Variants in NTM observed in about 807,000 individuals in gnomAD.
NTM encodes neurotrimin.
Under a neutral mutation model 42.1 loss-of-function variants are expected in NTM, and 13 were observed. The ratio of observed to expected loss-of-function variants is 0.31; its 90% CI spans 0.20 to 0.49. NTM has a LOEUF of 0.49. NTM is among the 20% of genes least tolerant of loss of function. NTM has a pLI of 0.99. For synonymous variants in NTM, 187 were observed against 179.2 expected, an observed-to-expected ratio of 1.04 and a Z score of -0.35; for missense variants, 373 against 452.8, an observed-to-expected ratio of 0.82 and a Z score of 1.60.
rs149709104 is a variant in NTM, at chr11:131,921,217, A to C, written c.167+9569A>C. Among the ~76,000 whole-genome samples, 36 of 152,336 alleles carry C rather than the reference A, an allele frequency of 2.4e-4. No individual in the cohort carries two copies. The East Asian group carries it at 6.0e-3, about 25-fold the overall frequency. The stretch of plus-strand genomic sequence containing the variant: ...CTTTATTTGTAAATATGGTTGCTAC[A>C]GATGTAATTAGCTAAGGTGAGGTCA... On this transcript the variant is annotated intron_variant, in intron 2 of 8. Coordinates refer to ENST00000683400, the MANE Select transcript of NTM (RefSeq NM_001352005.2).
intron 1 of NTM, among the ~76,000 whole-genome samples, chr11:131,547,433 A>C (rs950805170): frequency 6.6e-6 from 1 of 152,170 alleles, no homozygotes; most frequent in African/African-American, 2.4e-5. Context: ...CTTGCACGGG[A>C]AGAGACTTTG....
intron 2 of NTM, among the ~76,000 whole-genome samples, chr11:132,066,300 A>C (rs1468350634): frequency 6.6e-6 from 1 of 152,128 alleles, no homozygotes; most frequent in African/African-American, 2.4e-5. Flanking sequence ...AACTGTTCCA[A>C]GGCTTTTGCA....
At chr11:131,786,168 G>A (rs1267171178) in intron 1 of NTM, among the ~76,000 whole-genome samples, 2 of 152,038 alleles carry the variant, frequency 1.3e-5, no homozygotes, top group Non-Finnish European at 2.9e-5. Flanking sequence ...AAACAACCTC[G>A]GAAAAAAATG....
At chr11:131,995,414 A>G (rs112231006) in intron 2 of NTM, among the ~76,000 whole-genome samples, 3,548 of 152,092 alleles carry the variant, frequency 0.023, 137 homozygotes, top group African/African-American at 0.081. Flanking sequence ...GGAGGGATGG[A>G]ACTGTGTAAC....
intron 4 of NTM, chr11:132,284,616 A>G (rs1163249147): frequency 6.5e-6 from 1 of 153,398 alleles, no homozygotes; most frequent in Non-Finnish European, 1.4e-5. Flanking sequence ...CCTGCTTCCA[A>G]ATGCCCTCAC....
intron 3 of NTM, among the ~76,000 whole-genome samples, chr11:132,173,980 A>T (rs1383651042): frequency 1.3e-5 from 2 of 152,150 alleles, no homozygotes; most frequent in East Asian, 3.8e-4. Context: ...TGTGTCCTAA[A>T]TGAGTGTGTC....
At chr11:131,732,560 T>G (rs1012688632) in intron 1 of NTM, among the ~76,000 whole-genome samples, 1 of 152,214 alleles carries the variant, frequency 6.6e-6, no homozygotes, top group Non-Finnish European at 1.5e-5. Flanking sequence ...CCAATTGTTA[T>G]TTTGATGAAA....
intron 2 of NTM, among the ~76,000 whole-genome samples, chr11:132,085,677 G>A (rs1489114007): frequency 6.6e-6 from 1 of 152,036 alleles, no homozygotes; most frequent in Non-Finnish European, 1.5e-5. Context: ...CAATTAATTA[G>A]AGCTCTTTTT....
At chr11:131,619,445 G>A (rs531555533) in intron 1 of NTM, among the ~76,000 whole-genome samples, 2 of 152,320 alleles carry the variant, frequency 1.3e-5, no homozygotes, top group East Asian at 3.9e-4. Context: ...GAGTACAGAG[G>A]ATGAGCAACT....
chr11:131,480,730 G>A (rs1254596013), intron 1 of NTM, among the ~76,000 whole-genome samples: 2 of 151,988 alleles, frequency 1.3e-5, no homozygotes, highest in African/African-American at 4.8e-5. Flanking sequence ...GGGGGCGTGG[G>A]AGGTAACCGT....
At chr11:132,120,401 C>G (rs901016504) in intron 2 of NTM, among the ~76,000 whole-genome samples, 1 of 152,170 alleles carries the variant, frequency 6.6e-6, no homozygotes, top group Admixed American at 6.5e-5. Flanking sequence ...GTTTACCCGA[C>G]TGAGTTTAGG....
intron 2 of NTM, among the ~76,000 whole-genome samples, chr11:132,007,202 C>A (rs1371095548): frequency 6.6e-6 from 1 of 152,232 alleles, no homozygotes; most frequent in African/African-American, 2.4e-5. Context: ...CTGACTGTTA[C>A]AGAGTCTGAT....
intron 1 of NTM, among the ~76,000 whole-genome samples, chr11:131,906,349 G>A (rs1407289402): frequency 1.3e-5 from 2 of 152,072 alleles, no homozygotes; most frequent in African/African-American, 2.4e-5. Flanking sequence ...TGCTGTAGGA[G>A]TCAGGAGTTC....
At chr11:132,129,543 A>G (rs1237136234) in intron 2 of NTM, among the ~76,000 whole-genome samples, 1 of 152,198 alleles carries the variant, frequency 6.6e-6, no homozygotes, top group Admixed American at 6.5e-5. Context: ...CAGAATTCCT[A>G]AAGACAGACC....
At chr11:131,691,157 C>T (rs1252389905) in intron 1 of NTM, among the ~76,000 whole-genome samples, 1 of 152,158 alleles carries the variant, frequency 6.6e-6, no homozygotes, top group Admixed American at 6.5e-5. Flanking sequence ...GAGGGCGCAC[C>T]AGGGGCCCAG....
rs112877055 is a variant in NTM, at chr11:131,942,808, T to A, written c.167+31160T>A. Among the ~76,000 whole-genome samples, 896 of 152,000 alleles carry A rather than the reference T, an allele frequency of 5.9e-3. 5 individuals carry two copies. Among genetic ancestry groups the A allele is most frequent in the Non-Finnish European group, 8.5e-3 (576 of 67,970 alleles). ...TAAAAACGCAAAAATTAGCTGGGCA[T>A]GGTGACACGTGTCTGTAACCCCAGC... On this transcript the variant is annotated intron_variant, in intron 2 of 8. Coordinates refer to ENST00000683400, the MANE Select transcript of NTM (RefSeq NM_001352005.2).
chr11:132,312,536 G>A (rs2095310670), intron 6 of NTM: 1 of 154,712 alleles, frequency 6.5e-6, no homozygotes, highest in African/African-American at 2.4e-5. Context: ...CAGAGAAGGG[G>A]AAAGCGTGTC....
At chr11:132,048,279 G>A (rs948707607) in intron 2 of NTM, among the ~76,000 whole-genome samples, 16 of 152,102 alleles carry the variant, frequency 1.1e-4, no homozygotes, top group East Asian at 5.8e-4. Flanking sequence ...TCCCTTCAGC[G>A]GCAAAGCAGA....
intron 2 of NTM, among the ~76,000 whole-genome samples, chr11:132,014,666 A>G (rs2518015): frequency 0.34 from 50,398 of 149,514 alleles, 9,442 homozygotes; most frequent in East Asian, 0.82. Context: ...TATACCTGTT[A>G]ATCATTTGGA....
Sources: allele counts gnomAD v4.1 joint callset (sites outside exome capture counted in the v4.1 genomes callset), GRCh38; gene constraint gnomAD v4.1.1; transcripts MANE v1.5; gene names NCBI Gene and HGNC (gene_info 2026-07-23, HGNC 2026-07-21).